LRP4: variants seen among roughly 807,000 people sequenced by gnomAD.
LRP4 encodes low-density lipoprotein receptor-related protein 4.
Under a neutral mutation model 220.3 loss-of-function variants are expected in LRP4, and 95 were observed. The observed-to-expected ratio is 0.43, with a 90% CI of 0.37 to 0.51. The LOEUF (loss-of-function observed/expected upper bound fraction) is 0.51. Ranked by LOEUF, LRP4 falls within the 20% of genes least tolerant of loss-of-function variation. The pLI is 0.00. For missense variants in LRP4, 1,925 were observed against 2,567.0 expected (o/e 0.75, Z 5.40); for synonymous variants, 903 against 954.6 (o/e 0.95, Z 1.00).
chr11:46,883,954 G>C lies in LRP4; in HGVS notation c.2529C>G (p.Ala843=), dbSNP rs761349295. 1 of 1,614,042 alleles carries C rather than the reference G, an allele frequency of 6.2e-7. No homozygotes were observed. Among genetic ancestry groups the C allele is most frequent in the South Asian group, 1.1e-5 (1 of 91,082 alleles). The change falls in exon 19 of 38, where the codon GCC becomes GCG. Residue 843 remains alanine (A), a synonymous_variant. Transcript: ENST00000378623. The stretch of plus-strand genomic sequence containing the variant: ...CTGTTCTCATGCTGCCATCTGTGTT[G>C]GCTACTTCAATCCGGTCTGTACCTA... ...TDAGTDRIEV[A]NTDGSMRTVL...
chr11:46,910,194 G>C (rs1941835988), intron 1 of LRP4, among the ~76,000 whole-genome samples: 1 of 152,144 alleles, frequency 6.6e-6, no homozygotes, highest in Non-Finnish European at 1.5e-5. Flanking sequence ...AGCCTCCAAA[G>C]TTATGAGGCA....
At position 46,890,304 on chromosome 11, in the gene LRP4, T is replaced by C. The variant is rs1304183702; in HGVS notation, c.1888A>G (p.Ser630Gly). 1.9e-6 allele frequency: 3 copies of C among 1,613,982 alleles called. No individual in the cohort carries two copies. The highest frequency in any genetic ancestry group is 2.5e-6 in the Non-Finnish European group (3 of 1,180,028). The stretch of plus-strand genomic sequence containing the variant: ...TGGCTAATGACAGCCTTACGGTGAC[T>C]CCCATCCAGATTGGCCCTCTCGATG... ...HVIERANLDGSHRKAVISQGL... is the reference protein window; with the variant it reads ...HVIERANLDGGHRKAVISQGL... The change falls in exon 14 of 38, where the codon AGT becomes GGT. Residue 630 changes from serine to glycine, a missense_variant. Physicochemically the swap from Ser to Gly is moderately conservative, Grantham distance 56 (BLOSUM62 0). Coordinates refer to ENST00000378623, the MANE Select transcript of LRP4 (RefSeq NM_002334.4). This position sits in a 1 kb window ranked among gnomAD's most constrained non-coding sequence, Gnocchi z 5.3.
intron 7 of LRP4, 127 bp from the exon 8 acceptor site, chr11:46,897,121 A>ATAGT: frequency 8.1e-7 from 1 of 1,234,364 alleles, no homozygotes; most frequent in Non-Finnish European, 1.2e-6. Flanking sequence ...GCTGGTCTAT[A>ATAGT]TAGTGTCTTT....
chr11:46,873,054 T>C lies in LRP4; in HGVS notation c.4583+46A>G. ...AAGGTTAATCTCAACCATTCTCTCT[T>C]CTGCCCACCCGATTTCCAGGAGGCT... is the stretch of plus-strand genomic sequence containing the variant. On this transcript the variant is annotated intron_variant, in intron 30 of 37. Transcript: ENST00000378623. The surrounding 1 kb of genome is among the most constrained non-coding windows in gnomAD (Gnocchi z 4.2). The C allele has an allele frequency of 3.1e-6, 5 of 1,613,772 alleles. No individual in the cohort carries two copies. Among genetic ancestry groups the C allele is most frequent in the Non-Finnish European group, 4.2e-6 (5 of 1,179,724 alleles).
rs768821263 is a variant in LRP4 at position 46,876,543 on chromosome 11, C to T, written c.3459G>A (p.Leu1153=). 8.4e-5 allele frequency: 135 copies of T among 1,614,108 alleles called. No homozygotes were observed. Among genetic ancestry groups the T allele is most frequent in the Non-Finnish European group, 1.1e-4 (133 of 1,180,054 alleles). The part of the protein sequence containing the change: ...TGTNRIEVGN[L]DGSMRKVLVW... ...CCAACACTTTCCGCATGGACCCGTCCAGGTTGCCCACTTCAATCCGGTTTG... is the reference window on the plus strand; with the variant it reads ...CCAACACTTTCCGCATGGACCCGTCTAGGTTGCCCACTTCAATCCGGTTTG... The change falls in exon 25 of 38, where the codon CTG becomes CTA. Residue 1153 remains leucine, a synonymous_variant. Coordinates refer to ENST00000378623, the MANE Select transcript of LRP4 (RefSeq NM_002334.4).
In LRP4 at chr11:46,899,254, C is replaced by T. The variant is rs1379362986; in HGVS notation, c.547+133G>A. 2.2e-6 allele frequency: 2 copies of T among 919,802 alleles called. No homozygotes were observed. The highest frequency in any genetic ancestry group is 2.4e-5 in the East Asian group (1 of 41,736). The allele number at this position is 919,802 out of a possible 1,614,324, so 57.0% of individuals were successfully genotyped here. A position where few individuals can be genotyped will look rare whatever the true frequency, so the allele number is the denominator to read the frequency against. The stretch of plus-strand genomic sequence containing the variant: ...GAACTTGCTCCCTCCCTAGCTCAGC[C>T]TAGGAGGAGCTGCTGCTGAGGCACC... On this transcript the variant is annotated intron_variant, in intron 5 of 37. Transcript: ENST00000378623. The surrounding 1 kb of genome is among the most constrained non-coding windows in gnomAD (Gnocchi z 5.9).
intron 7 of LRP4, among the ~76,000 whole-genome samples, chr11:46,897,495 G>C (rs1165389577): frequency 6.6e-6 from 1 of 150,388 alleles, no homozygotes; most frequent in African/African-American, 2.5e-5. Flanking sequence ...AAGGTCTCTG[G>C]TTTTCCTAGG....
chr11:46,859,122 G>A lies in LRP4; in HGVS notation c.5579C>T (p.Thr1860Ile). ...TTCCTGTAACAGCTGCTCCGTCTCT[G>A]TGTCATCCAGGGAGCCAGAGCTGGC... The part of the protein sequence containing the change: ...IQASSGSLDD[T>I]ETEQLLQEEQ... The change falls in exon 38 of 38, where the codon ACA becomes ATA. Residue 1860 changes from threonine (T) to isoleucine (I), a missense_variant. Transcript: ENST00000378623. 1.2e-6 allele frequency: 2 copies of A among 1,614,138 alleles called. No individual in the cohort carries two copies. The highest frequency in any genetic ancestry group is 1.7e-6 in the Non-Finnish European group (2 of 1,180,010).
chr11:46,877,350 G>C lies in LRP4; in HGVS notation c.3137-11C>G. On this transcript the variant is annotated splice_polypyrimidine_tract_variant and intron_variant, in intron 22 of 37. Transcript: ENST00000378623. ...GGAAACTGTTCATGCCTGCCAGGTG[G>C]AGAGGAGGGAAGAGGATCACTCGAG... is the stretch of plus-strand genomic sequence containing the variant. 1 of 1,614,080 alleles carries C rather than the reference G, an allele frequency of 6.2e-7. No homozygotes were observed. The highest frequency in any genetic ancestry group is 1.1e-5 in the South Asian group (1 of 91,080).
In LRP4 at chr11:46,864,513, G is replaced by A. The variant is rs372105627; in HGVS notation, c.5178C>T (p.Tyr1726=). 199 of 1,613,174 alleles carry A rather than the reference G, an allele frequency of 1.2e-4. No homozygotes were observed. The East Asian group carries it at 2.3e-3, about 19-fold the overall frequency. The part of the protein sequence containing the change: ...AAPGEGLHIS[Y]AIGGLLSILL... The stretch of plus-strand genomic sequence containing the variant: ...GAATACTGAGGAGTCCACCAATGGC[G>A]TAGCTGATATGAAGTCCTTCCCCTA... The change falls in exon 36 of 38, where the codon TAC becomes TAT. Residue 1726 remains tyrosine (Y), a synonymous_variant. Coordinates refer to ENST00000378623, the MANE Select transcript of LRP4 (RefSeq NM_002334.4).
intron 18 of LRP4, among the ~76,000 whole-genome samples, chr11:46,885,600 C>T (rs1416497183): frequency 6.6e-6 from 1 of 151,944 alleles, no homozygotes; most frequent in African/African-American, 2.4e-5. Flanking sequence ...GGTGAAACCC[C>T]GTCTCTACTA....
Position 46,875,169 on chromosome 11 carries a change from C to A in LRP4, c.3926-66G>T. 6.5e-7 allele frequency: 1 copy of A among 1,528,886 alleles called. No homozygotes were observed. Among genetic ancestry groups the A allele is most frequent in the Non-Finnish European group, 8.9e-7 (1 of 1,121,718 alleles). 94.7% of individuals were successfully genotyped at this position (1,528,886 alleles called of 1,614,324 possible). Reference sequence around the variant, plus strand: ...CATCATCTGAATCTTACAAAGGTCCCAGTTGTTTGTGGCTGGCTCTTTGCT... The same window carrying A: ...CATCATCTGAATCTTACAAAGGTCCAAGTTGTTTGTGGCTGGCTCTTTGCT... On this transcript the variant is annotated intron_variant, in intron 27 of 37. Transcript: ENST00000378623. This position sits in a 1 kb window ranked among gnomAD's most constrained non-coding sequence, Gnocchi z 4.5.
intron 16 of LRP4, among the ~76,000 whole-genome samples, chr11:46,888,597 A>G (rs1033146493): frequency 3.3e-5 from 5 of 150,760 alleles, no homozygotes; most frequent in African/African-American, 9.7e-5. Context: ...AAACTCAGAG[A>G]ATGAAATTAG....
intron 1 of LRP4, among the ~76,000 whole-genome samples, chr11:46,903,648 C>A (rs1184719312): frequency 6.6e-6 from 1 of 152,214 alleles, no homozygotes; most frequent in Non-Finnish European, 1.5e-5. Context: ...GGACGCTCTG[C>A]CTCTGTCTTG....
At chr11:46,872,200 G>A (rs978044539) in intron 30 of LRP4, among the ~76,000 whole-genome samples, 7 of 152,222 alleles carry the variant, frequency 4.6e-5, no homozygotes, top group Admixed American at 4.6e-4. Context: ...AGGTTGCAGT[G>A]AGCCGAGATC....
chr11:46,904,665 C>G (rs891702846), intron 1 of LRP4, among the ~76,000 whole-genome samples: 3 of 152,112 alleles, frequency 2.0e-5, no homozygotes, highest in Non-Finnish European at 4.4e-5. Context: ...TAATCAGCTG[C>G]TCTAGAAAAG....
chr11:46,862,692 G>A lies in LRP4; in HGVS notation c.5299C>T (p.Pro1767Ser). The A allele has an allele frequency of 1.9e-6, 3 of 1,613,916 alleles. No individual in the cohort carries two copies. Among genetic ancestry groups the A allele is most frequent in the Non-Finnish European group, 8.5e-7 (1 of 1,179,906 alleles). Residue 1767 changes from proline to serine, a missense_variant, in exon 37 of 38, where the codon CCC (proline) becomes TCC (serine). Pro to Ser is a moderately conservative substitution (Grantham distance 74). Around this residue, in one of 3 missense-constraint regions of LRP4, gnomAD observed 1,244 missense variants for 1,624.9 expected, o/e 0.77. Transcript: ENST00000378623. ...TCCTGTGTGGATGTTCGGTAGGAGGGGTTGCTGTAGGTGAGGTTCCCCATT... is the reference window on the plus strand; with the variant it reads ...TCCTGTGTGGATGTTCGGTAGGAGGAGTTGCTGTAGGTGAGGTTCCCCATT... ...PGMGNLTYSN[P>S]SYRTSTQEVK... is the part of the protein sequence containing the mutation.
chr11:46,876,757 G>A lies in LRP4; in HGVS notation c.3351C>T (p.Asp1117=). The A allele has an allele frequency of 6.2e-7, 1 of 1,614,140 alleles. No individual in the cohort carries two copies. The highest frequency in any genetic ancestry group is 8.5e-7 in the Non-Finnish European group (1 of 1,180,012). The change falls in exon 24 of 38, where the codon GAC becomes GAT. Residue 1117 remains aspartate, a synonymous_variant. Transcript: ENST00000378623. ...RANLDGSQHE[D]IITTGLQTTD... is the part of the protein sequence containing the mutation. ...AGGAAGGCCCACCTGTGGTGATGAT[G>A]TCCTCATGCTGTGAGCCATCCAGAT...
chr11:46,914,168 CCTATGTGATAAT>C (rs1941912841), intron 1 of LRP4, among the ~76,000 whole-genome samples: 1 of 151,850 alleles, frequency 6.6e-6, no homozygotes, highest in African/African-American at 2.4e-5. Context: ...TTATGATATT[CCTATGTGATAAT>C]CTATTACTAC....
Sources: gnomAD v4.1 joint callset for allele counts (sites outside exome capture counted in the v4.1 genomes callset) on GRCh38, gnomAD v4.1.1 for gene constraint, gnomAD v4.1.1 regional missense constraint, Gnocchi (gnomAD v3.1) non-coding constraint, MANE v1.5 for transcripts, NCBI Gene and HGNC (gene_info 2026-07-23, HGNC 2026-07-21) for gene names.